The following TEX48 variants were observed in gnomAD, a reference collection of about 807,000 sequenced individuals.
TEX48 encodes the protein testis-expressed protein 48.
In TEX48, 10 loss-of-function variants were observed where a neutral mutation model predicts 13.2. That is an observed-to-expected ratio of 0.75 (90% CI 0.47 to 1.28). The LOEUF (loss-of-function observed/expected upper bound fraction) is 1.28. Ranked by LOEUF, TEX48 falls within the 50% of genes most tolerant of loss-of-function variation. The pLI is 0.00. For synonymous variants in TEX48, 45 were observed against 52.3 expected (o/e 0.86, Z 0.60); for missense variants, 116 against 139.4 (o/e 0.83, Z 0.84).
At chr9:114,670,120 A>G (rs886130630) in intron 3 of TEX48, among the ~76,000 whole-genome samples, 3 of 152,150 alleles carry the variant, frequency 2.0e-5, no homozygotes, top group African/African-American at 7.2e-5. Flanking sequence ...TGCTTCTTAG[A>G]GTTATCATGG....
chr9:114,674,610 C>T (rs1288214148), intron 1 of TEX48, among the ~76,000 whole-genome samples: 18 of 23,942 alleles, frequency 7.5e-4, no homozygotes, highest in South Asian at 1.7e-3. Context: ...TCTTTCCTTC[C>T]TTCCTTCCTT....
chr9:114,671,424 T>C lies in TEX48; in HGVS notation c.86A>G (p.Lys29Arg), dbSNP rs1460414738. ...CQEPYAINDS[K>R]VPSQTQEHKP... Reference sequence around the variant, plus strand: ...GTGCTCCTGGGTTTGACTGGGAACCTTGGAGTCATTGATGGCATAGGGCTC... The same window carrying C: ...GTGCTCCTGGGTTTGACTGGGAACCCTGGAGTCATTGATGGCATAGGGCTC... The change falls in exon 3 of 5, where the codon AAG (lysine) becomes AGG (arginine). Residue 29 changes from lysine to arginine, a missense_variant. Transcript: ENST00000436752. 14 of 1,535,550 alleles carry C rather than the reference T, an allele frequency of 9.1e-6. No individual in the cohort carries two copies. The highest frequency in any genetic ancestry group is 1.2e-5 in the South Asian group (1 of 84,050).
At chr9:114,674,655 T>TTCCC (rs1828026273) in intron 1 of TEX48, among the ~76,000 whole-genome samples, 2 of 112,988 alleles carry the variant, frequency 1.8e-5, no homozygotes, top group Non-Finnish European at 3.5e-5. Flanking sequence ...CCTTCCTTCC[T>TTCCC]TCCTTCCTTC....
At chr9:114,669,008 T>A (rs1300500488) in intron 3 of TEX48, among the ~76,000 whole-genome samples, 1 of 151,980 alleles carries the variant, frequency 6.6e-6, no homozygotes, top group Non-Finnish European at 1.5e-5. Context: ...AGCTAATTTT[T>A]AAATTTTTTT....
chr9:114,671,671 A>G (rs764285259), intron 2 of TEX48, 49 bp downstream of exon 2: 1 of 1,535,498 alleles, frequency 6.5e-7, no homozygotes, highest in Non-Finnish European at 8.7e-7. Context: ...TGGCCAGCAG[A>G]TCCTTCTGCC....
At chr9:114,678,244 C>G (rs1364878319) in intron 1 of TEX48, among the ~76,000 whole-genome samples, 1 of 152,164 alleles carries the variant, frequency 6.6e-6, no homozygotes, top group Non-Finnish European at 1.5e-5. Flanking sequence ...TCTCTCCACC[C>G]AACTTGATCT....
chr9:114,675,930 A>T (rs1828053352), intron 1 of TEX48, among the ~76,000 whole-genome samples: 1 of 152,186 alleles, frequency 6.6e-6, no homozygotes, highest in African/African-American at 2.4e-5. Context: ...AAACTCCAGG[A>T]TTCAGCTCAG....
At chr9:114,679,640 G>C (rs1489072386) in intron 1 of TEX48, among the ~76,000 whole-genome samples, 5 of 152,162 alleles carry the variant, frequency 3.3e-5, no homozygotes, top group South Asian at 2.1e-4. Flanking sequence ...TCTGCATGAT[G>C]AATACTTAGA....
At chr9:114,672,062 T>A (rs1364074169) in intron 1 of TEX48, among the ~76,000 whole-genome samples, 1 of 152,222 alleles carries the variant, frequency 6.6e-6, no homozygotes, top group African/African-American at 2.4e-5. Context: ...CAGTGCCTAC[T>A]TTGCAGGAGT....
At chr9:114,669,757 A>G (rs558043399) in intron 3 of TEX48, among the ~76,000 whole-genome samples, 48 of 151,006 alleles carry the variant, frequency 3.2e-4, no homozygotes, top group African/African-American at 1.1e-3. Flanking sequence ...ATTTTTTATT[A>G]TTTGTAGAGG....
Position 114,671,372 on chromosome 9 carries a change from C to G in TEX48, c.127+11G>C, listed in dbSNP as rs1827942480. The G allele has an allele frequency of 6.5e-7, 1 of 1,534,922 alleles. No homozygotes were observed. The highest frequency in any genetic ancestry group is 8.7e-7 in the Non-Finnish European group (1 of 1,146,614). ...GAGAGGCCATGCAGAGTGTCCTTAT[C>G]TGATACCTACTTTGGGTCGATGGCT... On this transcript the variant is annotated intron_variant, in intron 3 of 4. Transcript: ENST00000436752.
chr9:114,675,303 T>C (rs1828041035), intron 1 of TEX48, among the ~76,000 whole-genome samples: 1 of 152,198 alleles, frequency 6.6e-6, no homozygotes, highest in South Asian at 2.1e-4. Flanking sequence ...CATGCTAAGC[T>C]TACTCTGATG....
At chr9:114,674,002 C>T (rs1828002456) in intron 1 of TEX48, among the ~76,000 whole-genome samples, 1 of 151,868 alleles carries the variant, frequency 6.6e-6, no homozygotes, top group East Asian at 1.9e-4. Context: ...GACGTGGTCT[C>T]CCTATATAGC....
intron 1 of TEX48, among the ~76,000 whole-genome samples, chr9:114,675,510 A>G (rs1828043831): frequency 6.6e-6 from 1 of 152,160 alleles, no homozygotes; most frequent in African/African-American, 2.4e-5. Flanking sequence ...TTTGAACTTT[A>G]CTTTCCAAAT....
Position 114,671,564 on chromosome 9 carries a change from T to C in TEX48, c.5-59A>G, listed in dbSNP as rs973600527. 19 of 1,532,308 alleles carry C rather than the reference T, an allele frequency of 1.2e-5. No individual in the cohort carries two copies. The Admixed American group carries it at 2.4e-4, about 19-fold the overall frequency. The allele number at this position is 1,532,308 out of a possible 1,614,324, so 94.9% of individuals were successfully genotyped here. A position where few individuals can be genotyped will look rare whatever the true frequency, so the allele number is the denominator to read the frequency against. On this transcript the variant is annotated intron_variant, in intron 2 of 4. Coordinates refer to ENST00000436752, the MANE Select transcript of TEX48 (RefSeq NM_001199233.2). ...CCGGAATCTGAATTCCAGATGCCTATTGGAAATTGACTGTGGTGGGGGTAT... is the reference window on the plus strand; with the variant it reads ...CCGGAATCTGAATTCCAGATGCCTACTGGAAATTGACTGTGGTGGGGGTAT...
intron 3 of TEX48, among the ~76,000 whole-genome samples, chr9:114,671,159 G>A (rs1051350133): frequency 6.6e-6 from 1 of 152,178 alleles, no homozygotes; most frequent in Non-Finnish European, 1.5e-5. Context: ...AAGCTCCCAA[G>A]TGATGCCAAT....
chr9:114,667,204 C>T (rs925641602), intron 4 of TEX48, among the ~76,000 whole-genome samples: 3 of 152,182 alleles, frequency 2.0e-5, no homozygotes, highest in African/African-American at 4.8e-5. Flanking sequence ...AGAAAATGGA[C>T]TCTGTGAAAT....
At chr9:114,681,323 G>A (rs1249222590) in intron 1 of TEX48, among the ~76,000 whole-genome samples, 4 of 152,154 alleles carry the variant, frequency 2.6e-5, no homozygotes, top group African/African-American at 9.7e-5. Context: ...TCTAAGTGTT[G>A]ACAGCAGAGA....
chr9:114,676,313 A>G (rs895947650), intron 1 of TEX48, among the ~76,000 whole-genome samples: 2 of 151,484 alleles, frequency 1.3e-5, no homozygotes, highest in Admixed American at 1.3e-4. Flanking sequence ...ACAGGCTCGC[A>G]CTACCATGCC....
Sources: gnomAD v4.1 joint callset for allele counts (sites outside exome capture counted in the v4.1 genomes callset) on GRCh38, gnomAD v4.1.1 for gene constraint, MANE v1.5 for transcripts, NCBI Gene and HGNC (gene_info 2026-07-23, HGNC 2026-07-21) for gene names.